The following RPRD1B variants were observed in gnomAD, a reference collection of about 807,000 sequenced individuals.
RPRD1B encodes the protein regulation of nuclear pre-mRNA domain containing 1B.
A neutral mutation model predicts 41.5 loss-of-function variants in RPRD1B; 11 were observed. The observed-to-expected ratio is 0.27, with a 90% confidence interval of 0.17 to 0.44. The LOEUF is 0.44. Among genes scored for constraint, RPRD1B ranks in the 20% least tolerant of loss-of-function variants. RPRD1B has a pLI of 1.00. For missense variants in RPRD1B, 248 were observed against 389.9 expected (o/e 0.64, Z 3.06); for synonymous variants, 158 against 155.6 (o/e 1.02, Z -0.12).
intron 6 of RPRD1B, among the ~76,000 whole-genome samples, chr20:38,074,116 C>T (rs964690580): frequency 1.3e-5 from 2 of 152,218 alleles, no homozygotes; most frequent in African/African-American, 4.8e-5. Context: ...TCTCCCTTGC[C>T]TTTCCATCCC....
chr20:38,069,206 G>T (rs1234452373), intron 6 of RPRD1B, among the ~76,000 whole-genome samples: 1 of 152,094 alleles, frequency 6.6e-6, no homozygotes, highest in Non-Finnish European at 1.5e-5. Flanking sequence ...TCAGGATAGG[G>T]CGTGTGATGA....
Position 38,090,601 on chromosome 20 carries a change from C to T in RPRD1B, c.*726C>T, listed in dbSNP as rs568843169. On this transcript the variant is annotated 3_prime_UTR_variant, in exon 7 of 7. Coordinates refer to ENST00000373433, the MANE Select transcript of RPRD1B (RefSeq NM_021215.4). ...ATTTGCTTCAAGTTCCTAGATACAA[C>T]CTTCCCATGCTGCACTTCTCCACTG... The T allele has an allele frequency of 1.0e-6, 1 of 985,528 alleles. No individual in the cohort carries two copies. The highest frequency in any genetic ancestry group is 4.7e-5 in the South Asian group (1 of 21,270). 61.0% of individuals were successfully genotyped at this position (985,528 alleles called of 1,614,324 possible). A position where few individuals can be genotyped will look rare whatever the true frequency, so the allele number is the denominator to read the frequency against.
intron 3 of RPRD1B, among the ~76,000 whole-genome samples, chr20:38,050,237 A>G (rs1345709220): frequency 6.6e-6 from 1 of 152,230 alleles, no homozygotes; most frequent in Non-Finnish European, 1.5e-5. Context: ...TGCAGTGGGT[A>G]ACTTTCCTGT....
chr20:38,066,033 T>C, intron 5 of RPRD1B, 48 bp from the exon 6 acceptor site: 1 of 1,581,846 alleles, frequency 6.3e-7, no homozygotes, highest in Non-Finnish European at 8.7e-7. Flanking sequence ...TAGTCATACC[T>C]GTGTGATTTG....
intron 1 of RPRD1B, among the ~76,000 whole-genome samples, chr20:38,036,325 G>C (rs978267374): frequency 6.6e-6 from 1 of 152,160 alleles, no homozygotes; most frequent in African/African-American, 2.4e-5. Flanking sequence ...GCCAAAATGT[G>C]TTCTTTTTCA....
intron 5 of RPRD1B, among the ~76,000 whole-genome samples, chr20:38,065,239 T>C (rs545771989): frequency 1.3e-5 from 2 of 152,366 alleles, no homozygotes; most frequent in African/African-American, 4.8e-5. Flanking sequence ...GAGATCTGGC[T>C]TCGAGCCCCA....
intron 6 of RPRD1B, among the ~76,000 whole-genome samples, chr20:38,084,606 CT>C (rs962988557): frequency 1.2e-4 from 19 of 152,254 alleles, no homozygotes; most frequent in African/African-American, 4.6e-4. Flanking sequence ...GCTTACTTCT[CT>C]AACCAAAAAA....
At chr20:38,042,874 A>G (rs1206709600) in intron 2 of RPRD1B, among the ~76,000 whole-genome samples, 1 of 136,300 alleles carries the variant, frequency 7.3e-6, no homozygotes, top group African/African-American at 3.4e-5. Context: ...AGTAAAAAAA[A>G]CTCTCAAGTC....
At chr20:38,064,955 C>T (rs2074338813) in intron 5 of RPRD1B, among the ~76,000 whole-genome samples, 1 of 148,864 alleles carries the variant, frequency 6.7e-6, no homozygotes, top group African/African-American at 2.5e-5. Context: ...CACTGCACTC[C>T]AGCCTGGGTC....
intron 3 of RPRD1B, among the ~76,000 whole-genome samples, chr20:38,052,843 A>G (rs1337752679): frequency 7.2e-6 from 1 of 139,354 alleles, no homozygotes; most frequent in East Asian, 2.2e-4. Flanking sequence ...ATGGCTGCAT[A>G]TTATAATGTG....
intron 3 of RPRD1B, among the ~76,000 whole-genome samples, chr20:38,054,631 G>A (rs1460876361): frequency 1.3e-5 from 2 of 152,164 alleles, no homozygotes; most frequent in African/African-American, 4.8e-5. Context: ...AGTCCTCCCA[G>A]TGCCAAAATT....
At chr20:38,076,622 A>C in intron 6 of RPRD1B, among the ~76,000 whole-genome samples, 1 of 151,870 alleles carries the variant, frequency 6.6e-6, no homozygotes, top group Non-Finnish European at 1.5e-5. Context: ...TCTACATTCC[A>C]CCCAAGTGGC....
Position 38,050,377 on chromosome 20 carries a change from A to C in RPRD1B, c.415+1896A>C, listed in dbSNP as rs541220011. Among the ~76,000 whole-genome samples, 158 of 152,346 alleles carry C rather than the reference A, an allele frequency of 1.0e-3. 2 individuals are homozygous for C. The highest frequency in any genetic ancestry group is 3.7e-3 in the African/African-American group (155 of 41,576). On this transcript the variant is annotated intron_variant, in intron 3 of 6. Transcript: ENST00000373433. ...AGGTGATTGGTAGCTTCTGAAAAGCAAGATGTTTCCTGCTTTGGATTCTGG... is the reference window on the plus strand; with the variant it reads ...AGGTGATTGGTAGCTTCTGAAAAGCCAGATGTTTCCTGCTTTGGATTCTGG...
chr20:38,035,486 C>A (rs2073992718), intron 1 of RPRD1B, among the ~76,000 whole-genome samples: 1 of 152,210 alleles, frequency 6.6e-6, no homozygotes, highest in Non-Finnish European at 1.5e-5. Flanking sequence ...CTGGCAAACA[C>A]CAAAATCTTC....
At chr20:38,052,305 A>G (rs1010734261) in intron 3 of RPRD1B, among the ~76,000 whole-genome samples, 13 of 152,162 alleles carry the variant, frequency 8.5e-5, no homozygotes, top group African/African-American at 3.1e-4. Context: ...GAGGTTTTTA[A>G]TATTTTCAGT....
intron 5 of RPRD1B, 118 bp downstream of exon 5, chr20:38,059,638 C>A: frequency 2.1e-6 from 2 of 964,756 alleles, no homozygotes; most frequent in Non-Finnish European, 2.9e-6. Flanking sequence ...GTATTGGTTG[C>A]TCTACCATCT....
intron 2 of RPRD1B, among the ~76,000 whole-genome samples, chr20:38,044,599 C>T (rs2074102571): frequency 1.3e-5 from 2 of 152,122 alleles, no homozygotes; most frequent in African/African-American, 4.8e-5. Context: ...TGGTCTTGAT[C>T]TCCTGACCTT....
chr20:38,065,257 A>T (rs1050069355), intron 5 of RPRD1B, among the ~76,000 whole-genome samples: 22 of 152,340 alleles, frequency 1.4e-4, no homozygotes, highest in Non-Finnish European at 3.1e-4. Context: ...CCAGCATCTC[A>T]GCTCACTGCA....
In RPRD1B at chr20:38,066,148, C is replaced by T. The variant is rs753397730; in HGVS notation, c.723C>T (p.Asn241=). Reference sequence around the variant, plus strand: ...CATGTCTGTTACTAGCAGAATATAACGGGCGCCTGGCAGCAGAACTGGAGG... The same window carrying T: ...CATGTCTGTTACTAGCAGAATATAATGGGCGCCTGGCAGCAGAACTGGAGG... ...DEACLLLAEY[N]GRLAAELEDR... Residue 241 remains asparagine, a synonymous_variant, in exon 6 of 7, where the codon AAC becomes AAT. Coordinates refer to ENST00000373433, the MANE Select transcript of RPRD1B (RefSeq NM_021215.4). 21 of 1,614,050 alleles carry T rather than the reference C, an allele frequency of 1.3e-5. No homozygotes were observed. Among genetic ancestry groups the T allele is most frequent in the Admixed American group, 3.3e-5 (2 of 60,010 alleles).
Sources: gnomAD v4.1 joint callset for allele counts (sites outside exome capture counted in the v4.1 genomes callset) on GRCh38, gnomAD v4.1.1 for gene constraint, MANE v1.5 for transcripts, NCBI Gene and HGNC (gene_info 2026-07-23, HGNC 2026-07-21) for gene names.